The following TAF5 variants were observed in gnomAD, a reference collection of about 807,000 sequenced individuals.
TAF5 encodes the protein transcription initiation factor TFIID subunit 5.
TAF5 carries 20 observed loss-of-function variants against 80.9 expected under a neutral mutation model. That is an observed-to-expected ratio of 0.25 (90% confidence interval 0.17 to 0.36). TAF5 has a LOEUF of 0.36. TAF5 is among the 10% of genes least tolerant of loss of function. The pLI is 1.00. For synonymous variants in TAF5, 388 were observed against 406.4 expected (o/e 0.95, Z 0.55); for missense variants, 863 against 1,029.4 (o/e 0.84, Z 2.21).
In TAF5 at chr10:103,388,049, C is replaced by G; in HGVS notation, c.2229C>G (p.Ala743=). Residue 743 remains alanine (A), a synonymous_variant, in exon 11 of 11, where the codon GCC becomes GCG. Coordinates refer to ENST00000369839, the MANE Select transcript of TAF5 (RefSeq NM_006951.5). ...NTVRLWDAIK[A]FEDLETDDFT... ...TTCGATTATGGGATGCTATCAAAGCCTTTGAAGATTTAGAGACCGATGACT... is the reference window on the plus strand; with the variant it reads ...TTCGATTATGGGATGCTATCAAAGCGTTTGAAGATTTAGAGACCGATGACT... 1 of 1,614,022 alleles carries G rather than the reference C, an allele frequency of 6.2e-7. No homozygotes were observed. Among genetic ancestry groups the G allele is most frequent in the Non-Finnish European group, 8.5e-7 (1 of 1,179,962 alleles).
Position 103,386,884 on chromosome 10 carries a change from C to T in TAF5, c.1830-291C>T, listed in dbSNP as rs370481449. Among the ~76,000 whole-genome samples the T allele has an allele frequency of 8.6e-5, 13 of 151,726 alleles. No homozygotes were observed. In the East Asian group the frequency reaches 1.2e-3, roughly 14 times the overall value. On this transcript the variant is annotated intron_variant, in intron 8 of 10. Transcript: ENST00000369839. Reference sequence around the variant, plus strand: ...TTCACCATGTTGGTCAGGCTGGTCTCGAACTCCTGACCTCGTGATCTGCAT... The same window carrying T: ...TTCACCATGTTGGTCAGGCTGGTCTTGAACTCCTGACCTCGTGATCTGCAT...
At chr10:103,368,691 TAGTGC>T in intron 1 of TAF5, 143 bp downstream of exon 1, 1 of 1,154,680 alleles carries the variant, frequency 8.7e-7, no homozygotes, top group Non-Finnish European at 1.1e-6. Context: ...CCCCTTTCTC[TAGTGC>T]GCGGGCTGCG....
At chr10:103,373,786 T>C (rs774082339) in intron 2 of TAF5, among the ~76,000 whole-genome samples, 191 bp downstream of exon 2, 3 of 152,140 alleles carry the variant, frequency 2.0e-5, no homozygotes, top group Admixed American at 6.6e-5. Context: ...CAGAGAAGGC[T>C]TCCAGAGGAA....
At position 103,385,354 on chromosome 10, in the gene TAF5, G is replaced by A. The variant is rs778599259; in HGVS notation, c.1693G>A (p.Gly565Arg). 111 of 1,612,822 alleles carry A rather than the reference G, an allele frequency of 6.9e-5. No individual in the cohort carries two copies. The highest frequency in any genetic ancestry group is 9.2e-5 in the Non-Finnish European group (108 of 1,179,116). ...CTATCTGCTTTCCTCTTCAGAGGACGGAACTGTTAGATTGTGGAGCCTTCA... is the reference window on the plus strand; with the variant it reads ...CTATCTGCTTTCCTCTTCAGAGGACAGAACTGTTAGATTGTGGAGCCTTCA... ...RNYLLSSSED[G>R]TVRLWSLQTF... The change falls in exon 8 of 11, where the codon GGA (glycine) becomes AGA (arginine). Residue 565 changes from glycine to arginine, a missense_variant. Gly to Arg is a moderately radical substitution (Grantham distance 125). This residue lies in a region of TAF5 where 368 missense variants were observed against 461.7 expected (regional missense o/e 0.80). Transcript: ENST00000369839.
At chr10:103,379,537 C>A in intron 3 of TAF5, 71 bp from the exon 4 acceptor site, 2 of 1,261,424 alleles carry the variant, frequency 1.6e-6, no homozygotes, top group South Asian at 1.6e-5. Flanking sequence ...TGTGATTTAT[C>A]CTATCAAGAT....
In TAF5 at chr10:103,379,789, GGAACT is replaced by G. The variant is rs774261933; in HGVS notation, c.1277+19_1277+23del. ...CAGAACAGGTGAGGAAAAAACTTCA[GGAACT>G]TGTGTGTGGAGGTATAAGACAACAT... is the stretch of plus-strand genomic sequence containing the variant. On this transcript the variant is annotated intron_variant, in intron 4 of 10. Transcript: ENST00000369839. 7.5e-6 allele frequency: 12 copies of G among 1,591,244 alleles called. No individual in the cohort carries two copies. Among genetic ancestry groups the G allele is most frequent in the Non-Finnish European group, 8.5e-6 (10 of 1,173,708 alleles).
chr10:103,387,296 G>T lies in TAF5; in HGVS notation c.1951G>T (p.Val651Leu). ...YVATGSADRT[V>L]RLWDVLNGNC... Reference sequence around the variant, plus strand: ...TGCTACGGGCTCTGCAGACAGAACTGTGCGGCTCTGGGACGTCCTGAATGG... The same window carrying T: ...TGCTACGGGCTCTGCAGACAGAACTTTGCGGCTCTGGGACGTCCTGAATGG... Residue 651 changes from valine (V) to leucine (L), a missense_variant, in exon 9 of 11, where the codon GTG (valine) becomes TTG (leucine). This residue lies in a region of TAF5 where 368 missense variants were observed against 461.7 expected (regional missense o/e 0.80). Coordinates refer to ENST00000369839, the MANE Select transcript of TAF5 (RefSeq NM_006951.5). 2 of 1,614,120 alleles carry T rather than the reference G, an allele frequency of 1.2e-6. No homozygotes were observed. Among genetic ancestry groups the T allele is most frequent in the Non-Finnish European group, 1.7e-6 (2 of 1,180,032 alleles).
In TAF5 at chr10:103,387,548, C is replaced by G. The variant is rs771416351; in HGVS notation, c.2035C>G (p.Pro679Ala). Residue 679 changes from proline to alanine, a missense_variant, in exon 10 of 11, where the codon CCC (proline) becomes GCC (alanine). Physicochemically the swap from Pro to Ala is conservative, Grantham distance 27. Transcript: ENST00000369839. Reference protein sequence around the residue: ...KGPIHSLTFSPNGRFLATGAT... With the variant: ...KGPIHSLTFSANGRFLATGAT... Reference sequence around the variant, plus strand: ...ACCAATTCATTCCTTGACATTTTCTCCCAATGGGAGATTCCTGGCTACAGG... The same window carrying G: ...ACCAATTCATTCCTTGACATTTTCTGCCAATGGGAGATTCCTGGCTACAGG... 3.1e-6 allele frequency: 5 copies of G among 1,613,852 alleles called. No homozygotes were observed. Among genetic ancestry groups the G allele is most frequent in the Non-Finnish European group, 4.2e-6 (5 of 1,179,918 alleles).
Position 103,378,504 on chromosome 10 carries a change from T to A in TAF5, c.1067T>A (p.Val356Glu). The A allele has an allele frequency of 6.2e-7, 1 of 1,614,106 alleles. No individual in the cohort carries two copies. Among genetic ancestry groups the A allele is most frequent in the Non-Finnish European group, 8.5e-7 (1 of 1,179,982 alleles). ...PRSKQQIDAM[V>E]GSLAGEAKRE... ...AGTAAGCAACAGATAGATGCGATGG[T>A]GGGAAGTTTGGCAGGAGAGGCTAAA... The change falls in exon 3 of 11, where the codon GTG (valine) becomes GAG (glutamate). Residue 356 changes from valine (V) to glutamate (E), a missense_variant. Coordinates refer to ENST00000369839, the MANE Select transcript of TAF5 (RefSeq NM_006951.5). This position sits in a 1 kb window ranked among gnomAD's most constrained non-coding sequence, Gnocchi z 4.1.
At chr10:103,379,401 G>A (rs2093377027) in intron 3 of TAF5, among the ~76,000 whole-genome samples, 1 of 152,176 alleles carries the variant, frequency 6.6e-6, no homozygotes, top group Non-Finnish European at 1.5e-5. Context: ...GAACAGAAAT[G>A]ATTTAACTGA....
At chr10:103,382,009 G>A (rs2093384100) in intron 6 of TAF5, among the ~76,000 whole-genome samples, 168 bp downstream of exon 6, 1 of 152,138 alleles carries the variant, frequency 6.6e-6, no homozygotes, top group Non-Finnish European at 1.5e-5. Flanking sequence ...AGTGACTGGG[G>A]TGCTAGACTG....
intron 1 of TAF5, 24 bp from the exon 2 acceptor site, chr10:103,373,334 A>T: frequency 6.2e-7 from 1 of 1,604,152 alleles, no homozygotes; most frequent in Non-Finnish European, 8.5e-7. Flanking sequence ...TCATTTTCTT[A>T]AAAGTTTTTT....
At chr10:103,382,219 T>C (rs1249727931) in intron 6 of TAF5, among the ~76,000 whole-genome samples, 9 of 152,188 alleles carry the variant, frequency 5.9e-5, no homozygotes, top group Admixed American at 5.9e-4. Context: ...TGAAAGTTTT[T>C]TACTTTTTGT....
chr10:103,388,534 G>A lies in TAF5; in HGVS notation c.*311G>A, dbSNP rs2093403425. ...ATTTATTACATTTAGAAAAAAAGTT[G>A]ATTTCAATAATTCATCCTGCTTCAA... On this transcript the variant is annotated 3_prime_UTR_variant, in exon 11 of 11. Transcript: ENST00000369839. 5.1e-6 allele frequency: 1 copy of A among 196,802 alleles called. No homozygotes were observed. Among genetic ancestry groups the A allele is most frequent in the Admixed American group, 5.5e-5 (1 of 18,328 alleles). 12.2% of individuals were successfully genotyped at this position (196,802 alleles called of 1,614,324 possible). A position where few individuals can be genotyped will look rare whatever the true frequency, so the allele number is the denominator to read the frequency against.
rs1362361657 is a variant in TAF5, at chr10:103,379,780, A to G, written c.1277+9A>G. ...GCTCCACCTCAGAACAGGTGAGGAA[A>G]AAACTTCAGGAACTTGTGTGTGGAG... On this transcript the variant is annotated intron_variant, in intron 4 of 10. Transcript: ENST00000369839. The G allele has an allele frequency of 5.0e-6, 8 of 1,592,430 alleles. No individual in the cohort carries two copies. The highest frequency in any genetic ancestry group is 6.0e-6 in the Non-Finnish European group (7 of 1,174,222).
intron 7 of TAF5, among the ~76,000 whole-genome samples, chr10:103,385,085 C>T (rs1026508906): frequency 2.0e-5 from 3 of 152,038 alleles, no homozygotes; most frequent in Admixed American, 6.6e-5. Flanking sequence ...TATCATATTA[C>T]CTCATTCAGT....
rs776454182 is a variant in TAF5 at position 103,385,418 on chromosome 10, A to G, written c.1757A>G (p.Tyr586Cys). The change falls in exon 8 of 11, where the codon TAT becomes TGT. Residue 586 changes from tyrosine (Y) to cysteine (C), a missense_variant. Physicochemically the swap from Tyr to Cys is radical, Grantham distance 194. This residue lies in a region of TAF5 where 368 missense variants were observed against 461.7 expected (regional missense o/e 0.80). Transcript: ENST00000369839. ...TTGGTGGGATATAAAGGACACAACTATCCAGTATGGGACACACAATTTTCT... is the reference window on the plus strand; with the variant it reads ...TTGGTGGGATATAAAGGACACAACTGTCCAGTATGGGACACACAATTTTCT... ...TCLVGYKGHN[Y>C]PVWDTQFSPY... The G allele has an allele frequency of 6.2e-7, 1 of 1,614,116 alleles. No homozygotes were observed. The highest frequency in any genetic ancestry group is 8.5e-7 in the Non-Finnish European group (1 of 1,180,020).
rs1342337195 is a variant in TAF5 at position 103,378,270 on chromosome 10, A to G, written c.833A>G (p.Asp278Gly). Reference sequence around the variant, plus strand: ...GATCAGGAATGTTATTACCAGGATGACCTACGAGTATTATCTAGTCTTACC... The same window carrying G: ...GATCAGGAATGTTATTACCAGGATGGCCTACGAGTATTATCTAGTCTTACC... The part of the protein sequence containing the change: ...HGDQECYYQD[D>G]LRVLSSLTKK... The change falls in exon 3 of 11, where the codon GAC becomes GGC. Residue 278 changes from aspartate to glycine, a missense_variant. Transcript: ENST00000369839. This position sits in a 1 kb window ranked among gnomAD's most constrained non-coding sequence, Gnocchi z 4.1. 1 of 1,614,132 alleles carries G rather than the reference A, an allele frequency of 6.2e-7. No homozygotes were observed. The highest frequency in any genetic ancestry group is 1.7e-5 in the Admixed American group (1 of 60,024).
chr10:103,387,334 G>A lies in TAF5; in HGVS notation c.1989G>A (p.Arg663=), dbSNP rs149759522. 35 of 1,613,186 alleles carry A rather than the reference G, an allele frequency of 2.2e-5. No individual in the cohort carries two copies. Among genetic ancestry groups the A allele is most frequent in the Non-Finnish European group, 2.2e-5 (26 of 1,179,706 alleles). Residue 663 remains arginine, a synonymous_variant, in exon 9 of 11, where the codon AGG becomes AGA. Transcript: ENST00000369839. The stretch of plus-strand genomic sequence containing the variant: ...ACGTCCTGAATGGTAACTGTGTAAG[G>A]ATCTTCACTGGACACAAGGTATTTT... ...LWDVLNGNCV[R]IFTGHKGPIH...
Sources: allele counts gnomAD v4.1 joint callset (sites outside exome capture counted in the v4.1 genomes callset), GRCh38; gene constraint gnomAD v4.1.1; regional missense constraint gnomAD v4.1.1; non-coding constraint Gnocchi (gnomAD v3.1); transcripts MANE v1.5; gene names NCBI Gene and HGNC (gene_info 2026-07-23, HGNC 2026-07-21).